AAAS: variants seen among roughly 807,000 people sequenced by gnomAD.
AAAS encodes the protein aladin.
A neutral mutation model predicts 75.6 loss-of-function variants in AAAS; 60 were observed. The observed-to-expected ratio is 0.79, with a 90% CI of 0.64 to 0.98. The LOEUF (loss-of-function observed/expected upper bound fraction) is 0.98, where lower values mean the gene tolerates loss of function less well. Ranked by LOEUF, AAAS falls within the 50% of genes least tolerant of loss-of-function variation. The pLI is 0.00. For synonymous variants in AAAS, 271 were observed against 265.0 expected, an observed-to-expected ratio of 1.02 and a Z score of -0.22; for missense variants, 658 against 686.9, an observed-to-expected ratio of 0.96 and a Z score of 0.47.
chr12:53,307,789 A>C (rs1178682415), intron 15 of AAAS, 56 bp downstream of exon 15: 2 of 1,612,818 alleles, frequency 1.2e-6, no homozygotes, highest in African/African-American at 2.7e-5. Flanking sequence ...ACAGCAGCCA[A>C]GGCCCTCAGC....
intron 8 of AAAS, 39 bp downstream of exon 8, chr12:53,309,562 C>T: frequency 1.2e-6 from 2 of 1,613,110 alleles, no homozygotes; most frequent in Non-Finnish European, 1.7e-6. Flanking sequence ...ACACTTTTGC[C>T]AGGACTGAAA....
In AAAS at chr12:53,321,555, T is replaced by C; in HGVS notation, c.-90A>G. 2 of 1,602,528 alleles carry C rather than the reference T, an allele frequency of 1.2e-6. No individual in the cohort carries two copies. The highest frequency in any genetic ancestry group is 8.5e-7 in the Non-Finnish European group (1 of 1,176,998). On this transcript the variant is annotated 5_prime_UTR_variant, in exon 1 of 16. Coordinates refer to ENST00000209873, the MANE Select transcript of AAAS (RefSeq NM_015665.6). ...CCGCAACTCGGTTCCCGGGCTAGAT[T>C]CGTATGCGGACGGGTACCGCAAGGG...
intron 2 of AAAS, among the ~76,000 whole-genome samples, chr12:53,317,698 C>T (rs1944485941): frequency 1.3e-5 from 2 of 150,594 alleles, no homozygotes; most frequent in South Asian, 2.1e-4. Flanking sequence ...GCTGAGATCA[C>T]GCCACTGCAC....
At position 53,308,879 on chromosome 12, in the gene AAAS, G is replaced by A. The variant is rs79184297; in HGVS notation, c.997-64C>T. The A allele has an allele frequency of 9.9e-4, 1,599 of 1,613,118 alleles. 14 individuals are homozygous for A. The African/African-American group carries it at 0.019, about 19-fold the overall frequency. ...ATAGTAGAATGCAGGAGGGAAAGTA[G>A]AGGTGGCCAGGTTTGGGAGCATCAG... On this transcript the variant is annotated intron_variant, in intron 10 of 15. Transcript: ENST00000209873.
At position 53,313,116 on chromosome 12, in the gene AAAS, A is replaced by C. The variant is rs181890799; in HGVS notation, c.689+1182T>G. The stretch of plus-strand genomic sequence containing the variant: ...CATGATCCACCCGCCTCAGCCTCCC[A>C]AAGTGCTGGGATTACAGGCGTGAGC... On this transcript the variant is annotated intron_variant, in intron 7 of 15. Coordinates refer to ENST00000209873, the MANE Select transcript of AAAS (RefSeq NM_015665.6). Among the ~76,000 whole-genome samples the C allele has an allele frequency of 8.9e-3, 1,328 of 148,606 alleles. 7 individuals are homozygous for C. Among genetic ancestry groups the C allele is most frequent in the Non-Finnish European group, 0.014 (931 of 67,546 alleles).
At chr12:53,316,376 A>C (rs1592520105) in intron 2 of AAAS, among the ~76,000 whole-genome samples, 1 of 151,154 alleles carries the variant, frequency 6.6e-6, no homozygotes, top group South Asian at 2.1e-4. Context: ...AATCACTTGA[A>C]CCCAGGAAGC....
chr12:53,318,245 CGTGTGTGTGTGT>C lies in AAAS; in HGVS notation c.251+2308_251+2319del, dbSNP rs1165918605. On this transcript the variant is annotated intron_variant, in intron 2 of 15. Coordinates refer to ENST00000209873, the MANE Select transcript of AAAS (RefSeq NM_015665.6). ...TTCAGTGTGTGTGTGTGTGTGTGTG[CGTGTGTGTGTGT>C]GTGTGTGTGTGTGTGTTAAGACGGA... Among the ~76,000 whole-genome samples, 13 of 78,920 alleles carry C rather than the reference CGTGTGTGTGTGT, an allele frequency of 1.6e-4. No individual in the cohort carries two copies. The South Asian group carries it at 4.2e-3, about 25-fold the overall frequency. The allele number at this position is 78,920 out of a possible 152,430, so 51.8% of individuals were successfully genotyped here. A position where few individuals can be genotyped will look rare whatever the true frequency, so the allele number is the denominator to read the frequency against.
intron 1 of AAAS, 198 bp downstream of exon 1, chr12:53,321,145 G>T: frequency 2.6e-6 from 2 of 776,876 alleles, no homozygotes; most frequent in Non-Finnish European, 4.0e-6. Flanking sequence ...CTCCTCCACA[G>T]CTCCTTAACC....
chr12:53,308,510 A>G lies in AAAS; in HGVS notation c.1106T>C (p.Val369Ala), dbSNP rs755579287. ...PERCGEGKGC[V>A]GGAKSATIVA... ...AATCGTTGCTGACTTTGCACCTCCA[A>G]CGCACCCCTTTCCCTCACCTGTGGA... is the stretch of plus-strand genomic sequence containing the variant. The change falls in exon 12 of 16, where the codon GTT (valine) becomes GCT (alanine). Residue 369 changes from valine (V) to alanine (A), a missense_variant. Transcript: ENST00000209873. 2 of 1,614,082 alleles carry G rather than the reference A, an allele frequency of 1.2e-6. No individual in the cohort carries two copies. The highest frequency in any genetic ancestry group is 3.3e-5 in the Admixed American group (2 of 60,014).
At chr12:53,319,480 G>A (rs944651512) in intron 2 of AAAS, among the ~76,000 whole-genome samples, 8 of 152,202 alleles carry the variant, frequency 5.3e-5, no homozygotes, top group Non-Finnish European at 7.3e-5. Flanking sequence ...TTATAGGCGT[G>A]AGTCACTGTG....
At position 53,318,247 on chromosome 12, in the gene AAAS, T is replaced by TGTGTGTGTGC. The variant is rs1555191457; in HGVS notation, c.251+2317_251+2318insGCACACACAC. On this transcript the variant is annotated intron_variant, in intron 2 of 15. Coordinates refer to ENST00000209873, the MANE Select transcript of AAAS (RefSeq NM_015665.6). ...CAGTGTGTGTGTGTGTGTGTGTGCG[T>TGTGTGTGTGC]GTGTGTGTGTGTGTGTGTGTGTGTG... 9.6e-3 allele frequency among the ~76,000 whole-genome samples: 1,187 copies of TGTGTGTGTGC among 123,268 alleles called. 6 individuals carry two copies. Among genetic ancestry groups the TGTGTGTGTGC allele is most frequent in the South Asian group, 0.032 (105 of 3,318 alleles). 80.9% of individuals were successfully genotyped at this position (123,268 alleles called of 152,430 possible).
intron 7 of AAAS, among the ~76,000 whole-genome samples, chr12:53,311,284 G>A (rs1282815883): frequency 2.6e-5 from 4 of 151,872 alleles, no homozygotes; most frequent in Admixed American, 6.6e-5. Flanking sequence ...TTTTTAAATC[G>A]AGTTCCGCTC....
rs754078574 is a variant in AAAS, at chr12:53,315,379, G to A, written c.355C>T (p.Arg119Ter). ...GACCCATGGAGGGAAGAGGCCCATCGACAGAGTGCCAGGGCCCAGCCGGAT... is the reference window on the plus strand; with the variant it reads ...GACCCATGGAGGGAAGAGGCCCATCAACAGAGTGCCAGGGCCCAGCCGGAT... ...TASGWALALC[R>*]WASSLHGSLF... The change falls in exon 4 of 16, where the codon CGA becomes TGA. Residue 119 changes from arginine to a stop codon, truncating the protein, a stop_gained. Transcript: ENST00000209873. LOFTEE classifies it high-confidence loss of function. 4.3e-6 allele frequency: 7 copies of A among 1,613,946 alleles called. No homozygotes were observed. Among genetic ancestry groups the A allele is most frequent in the Non-Finnish European group, 5.1e-6 (6 of 1,180,038 alleles).
chr12:53,310,247 C>T (rs772056183), intron 7 of AAAS, among the ~76,000 whole-genome samples: 11 of 152,222 alleles, frequency 7.2e-5, no homozygotes, highest in Non-Finnish European at 1.3e-4. Flanking sequence ...CTGCAGCTCC[C>T]GCGTTTGCTC....
At chr12:53,315,022 T>C in intron 5 of AAAS, 72 bp downstream of exon 5, 1 of 1,560,720 alleles carries the variant, frequency 6.4e-7, no homozygotes, top group Non-Finnish European at 8.8e-7. Context: ...TAGGAGTCTT[T>C]GCCTTCTCCC....
chr12:53,311,126 T>G (rs762286144), intron 7 of AAAS, among the ~76,000 whole-genome samples: 46 of 151,968 alleles, frequency 3.0e-4, no homozygotes, highest in Admixed American at 6.6e-5. Context: ...ATTTTTATTT[T>G]TTGTATAGAC....
At position 53,307,514 on chromosome 12, in the gene AAAS, G is replaced by C; in HGVS notation, c.1616C>G (p.Pro539Arg). The change falls in exon 16 of 16, where the codon CCC (proline) becomes CGC (arginine). Residue 539 changes from proline (P) to arginine (R), a missense_variant. Physicochemically the swap from Pro to Arg is moderately radical, Grantham distance 103 (BLOSUM62 -2). Coordinates refer to ENST00000209873, the MANE Select transcript of AAAS (RefSeq NM_015665.6). ...TTAGAGGTGGGAATGTGGGGAGTGG[G>C]GCAGAACAGGTGGTGGCCCTGGGAG... ...DPLPGPPPVLPHSPHSHL is the reference protein window; with the variant it reads ...DPLPGPPPVLRHSPHSHL 1.2e-6 allele frequency: 2 copies of C among 1,614,026 alleles called. No individual in the cohort carries two copies. The highest frequency in any genetic ancestry group is 8.5e-7 in the Non-Finnish European group (1 of 1,179,886).
At chr12:53,316,325 C>G (rs1565782168) in intron 2 of AAAS, among the ~76,000 whole-genome samples, 1 of 151,270 alleles carries the variant, frequency 6.6e-6, no homozygotes, top group South Asian at 2.1e-4. Context: ...TGGTGCGTAC[C>G]TGTAGTCCCA....
At position 53,314,733 on chromosome 12, in the gene AAAS, TG is replaced by T; in HGVS notation, c.545+17del. ...TGATATTGACAAGTCAGAGCCCACC[TG>T]GTGTCCCCACACACACCTGCTGGCA... On this transcript the variant is annotated intron_variant, in intron 6 of 15. Coordinates refer to ENST00000209873, the MANE Select transcript of AAAS (RefSeq NM_015665.6). The T allele has an allele frequency of 1.9e-6, 3 of 1,608,730 alleles. No homozygotes were observed. Among genetic ancestry groups the T allele is most frequent in the Non-Finnish European group, 2.5e-6 (3 of 1,176,480 alleles).
Sources: allele counts gnomAD v4.1 joint callset (sites outside exome capture counted in the v4.1 genomes callset), GRCh38; gene constraint gnomAD v4.1.1; transcripts MANE v1.5; gene names NCBI Gene and HGNC (gene_info 2026-07-23, HGNC 2026-07-21).